LRRC7: variants seen among roughly 807,000 people sequenced by gnomAD.
The protein encoded by LRRC7 is leucine rich repeat containing 7, also known as leucine-rich repeat-containing protein 7.
Under a neutral mutation model 175.7 loss-of-function variants are expected in LRRC7, and 23 were observed. The observed-to-expected ratio is 0.13, with a 90% CI of 0.09 to 0.19. The LOEUF is 0.19. Among genes scored for constraint, LRRC7 ranks in the 10% least tolerant of loss-of-function variants. The pLI is 1.00. For synonymous variants in LRRC7, 685 were observed against 680.9 expected (o/e 1.01, Z -0.09); for missense variants, 1,354 against 1,904.7 (o/e 0.71, Z 5.38).
chr1:70,038,048 TTC>T, intron 20 of LRRC7, 63 bp from the exon 21 acceptor site: 2 of 1,525,016 alleles, frequency 1.3e-6, no homozygotes, highest in Non-Finnish European at 1.8e-6. Flanking sequence ...TTGCTGCTTG[TTC>T]TCTTTCTGCC....
chr1:69,833,802 C>T (rs1477910753), intron 5 of LRRC7, among the ~76,000 whole-genome samples: 1 of 151,822 alleles, frequency 6.6e-6, no homozygotes, highest in Non-Finnish European at 1.5e-5. Context: ...TTTTCAGTAA[C>T]AGAATTGAGG....
At chr1:69,575,655 CT>C (rs35210557) in intron 1 of LRRC7, among the ~76,000 whole-genome samples, 22,917 of 151,992 alleles carry the variant, frequency 0.15, 1,908 homozygotes, top group Admixed American at 0.19. Flanking sequence ...TTAAAATGTT[CT>C]TTTTAAATCA....
chr1:69,736,662 G>A (rs1668149746), intron 2 of LRRC7, among the ~76,000 whole-genome samples: 1 of 151,992 alleles, frequency 6.6e-6, no homozygotes, highest in African/African-American at 2.4e-5. Flanking sequence ...AGTTTTTATA[G>A]TAAAGCCATC....
intron 7 of LRRC7, among the ~76,000 whole-genome samples, chr1:69,930,164 G>T (rs899639784): frequency 6.6e-6 from 1 of 151,876 alleles, no homozygotes; most frequent in Non-Finnish European, 1.5e-5. Flanking sequence ...TGTTTACTCT[G>T]ATTCTTCCCT....
At chr1:69,764,778 T>TAGATAGACAGACAGAC (rs1427408341) in intron 3 of LRRC7, among the ~76,000 whole-genome samples, 1 of 144,402 alleles carries the variant, frequency 6.9e-6, no homozygotes, top group African/African-American at 2.5e-5. Context: ...GATAGATAGA[T>TAGATAGACAGACAGAC]AGACAGACAG....
intron 1 of LRRC7, 148 bp from the exon 2 acceptor site, chr1:69,678,233 T>C (rs1422473416): frequency 5.1e-6 from 3 of 591,188 alleles, no homozygotes; most frequent in Non-Finnish European, 6.0e-6. Flanking sequence ...TGGTCCCCGA[T>C]GCTCCCTGCC....
In LRRC7 at chr1:69,686,539, G is replaced by C. The variant is rs543933092; in HGVS notation, c.100+8061G>C. Among the ~76,000 whole-genome samples, 3 of 152,232 alleles carry C rather than the reference G, an allele frequency of 2.0e-5. No homozygotes were observed. In the South Asian group the frequency reaches 6.2e-4, roughly 32 times the overall value. ...GGTATAACACTGATACCAGTAGACT[G>C]TGATAAGTTACGTATATTGTAATAC... On this transcript the variant is annotated intron_variant, in intron 2 of 26. Coordinates refer to ENST00000651989, the MANE Select transcript of LRRC7 (RefSeq NM_001370785.2).
At chr1:69,615,871 C>T (rs1304177836) in intron 1 of LRRC7, among the ~76,000 whole-genome samples, 2 of 151,980 alleles carry the variant, frequency 1.3e-5, no homozygotes, top group Non-Finnish European at 2.9e-5. Flanking sequence ...GATCAGGAAG[C>T]AATCCCTTCC....
chr1:69,769,828 A>C (rs1672023920), intron 3 of LRRC7, among the ~76,000 whole-genome samples: 1 of 152,226 alleles, frequency 6.6e-6, no homozygotes. Context: ...TTAGTTGCTT[A>C]ATCAATGGCT....
chr1:69,750,445 C>T (rs1669741163), intron 2 of LRRC7, among the ~76,000 whole-genome samples: 1 of 151,994 alleles, frequency 6.6e-6, no homozygotes, highest in Admixed American at 6.6e-5. Context: ...ATATGTACAA[C>T]CATATGTATA....
At position 70,124,456 on chromosome 1, in the gene LRRC7, C is replaced by T. The variant is rs369871076; in HGVS notation, c.*2569C>T. Among the ~76,000 whole-genome samples, 4 of 152,068 alleles carry T rather than the reference C, an allele frequency of 2.6e-5. No individual in the cohort carries two copies. The highest frequency in any genetic ancestry group is 6.6e-5 in the Admixed American group (1 of 15,260). The stretch of plus-strand genomic sequence containing the variant: ...AGAATCAATCGCTTGACCTGGGAGG[C>T]GGAGGTTGCAGTGAGCTGAGATTGT... On this transcript the variant is annotated 3_prime_UTR_variant, in exon 27 of 27. Transcript: ENST00000651989.
chr1:70,042,684 G>A (rs1447268747), intron 21 of LRRC7, among the ~76,000 whole-genome samples: 1 of 152,194 alleles, frequency 6.6e-6, no homozygotes, highest in African/African-American at 2.4e-5. Flanking sequence ...AGCTGAGAGA[G>A]CACTAGACTG....
intron 17 of LRRC7, among the ~76,000 whole-genome samples, chr1:70,025,854 A>G (rs534186933): frequency 6.6e-6 from 1 of 151,938 alleles, no homozygotes; most frequent in Non-Finnish European, 1.5e-5. Context: ...CCTCTTTCAG[A>G]AAAAGAATAT....
chr1:69,668,738 T>C (rs942463100), intron 1 of LRRC7, among the ~76,000 whole-genome samples: 5 of 152,228 alleles, frequency 3.3e-5, no homozygotes, highest in Non-Finnish European at 7.3e-5. Context: ...TCCACAATGG[T>C]TGAAATAATT....
intron 2 of LRRC7, among the ~76,000 whole-genome samples, chr1:69,685,625 C>T (rs562318660): frequency 1.3e-5 from 2 of 151,894 alleles, no homozygotes; most frequent in African/African-American, 4.8e-5. Context: ...GTGAAAATTA[C>T]AGAAAAGAGA....
chr1:69,610,131 T>C (rs560696791), intron 1 of LRRC7, among the ~76,000 whole-genome samples: 1 of 152,210 alleles, frequency 6.6e-6, no homozygotes, highest in Non-Finnish European at 1.5e-5. Context: ...AACTCTATAA[T>C]GGGTTCTTGT....
intron 26 of LRRC7, among the ~76,000 whole-genome samples, chr1:70,118,147 T>C (rs964032414): frequency 1.3e-5 from 2 of 151,458 alleles, no homozygotes; most frequent in Admixed American, 6.6e-5. Flanking sequence ...ATTCTTCTGG[T>C]CTTTATTTTA....
chr1:69,855,892 G>A (rs1195773640), intron 7 of LRRC7, among the ~76,000 whole-genome samples: 3 of 152,090 alleles, frequency 2.0e-5, no homozygotes, highest in Non-Finnish European at 4.4e-5. Context: ...GGCCTTCTTT[G>A]TCTCTTTTGA....
At chr1:69,611,055 TTG>T (rs1230463055) in intron 1 of LRRC7, among the ~76,000 whole-genome samples, 1 of 152,024 alleles carries the variant, frequency 6.6e-6, no homozygotes, top group Non-Finnish European at 1.5e-5. Context: ...AGTAAACACA[TTG>T]TGTTTTCATT....
Sources: gnomAD v4.1 joint callset for allele counts (sites outside exome capture counted in the v4.1 genomes callset) on GRCh38, gnomAD v4.1.1 for gene constraint, MANE v1.5 for transcripts, NCBI Gene and HGNC (gene_info 2026-07-23, HGNC 2026-07-21) for gene names.